Variants in DGKB observed in about 807,000 individuals in gnomAD.
The protein encoded by DGKB is 90 kDa diacylglycerol kinase.
DGKB carries 67 observed loss-of-function variants against 114.3 expected under a neutral mutation model. The ratio of observed to expected loss-of-function variants is 0.59; its 90% CI spans 0.48 to 0.72. The LOEUF (loss-of-function observed/expected upper bound fraction) is 0.72. Among genes scored for constraint, DGKB ranks in the 30% least tolerant of loss-of-function variants. DGKB has a pLI of 0.00. For synonymous variants in DGKB, 398 were observed against 323.1 expected, an observed-to-expected ratio of 1.23 and a Z score of -2.49; for missense variants, 907 against 975.2, an observed-to-expected ratio of 0.93 and a Z score of 0.93.
At chr7:14,282,236 C>G (rs1800084894) in intron 23 of DGKB, among the ~76,000 whole-genome samples, 1 of 131,166 alleles carries the variant, frequency 7.6e-6, no homozygotes, top group Admixed American at 8.1e-5. Context: ...ACAAACACCT[C>G]TATGCAAATA....
chr7:14,494,077 G>A (rs1230015530), intron 20 of DGKB, among the ~76,000 whole-genome samples: 3 of 151,830 alleles, frequency 2.0e-5, no homozygotes, highest in Non-Finnish European at 4.4e-5. Flanking sequence ...TTTTGGCACC[G>A]ATGTATTAGC....
chr7:14,345,495 G>T, intron 21 of DGKB, 104 bp from the exon 22 acceptor site: 1 of 603,446 alleles, frequency 1.7e-6, no homozygotes, highest in Non-Finnish European at 2.9e-6. Context: ...AAAGGTCTGA[G>T]GACATGTGAC....
chr7:14,787,742 G>A (rs967780993), intron 2 of DGKB, among the ~76,000 whole-genome samples: 10 of 152,196 alleles, frequency 6.6e-5, no homozygotes, highest in African/African-American at 1.4e-4. Context: ...TCCAGGTGAC[G>A]TGAGCATACC....
intron 23 of DGKB, among the ~76,000 whole-genome samples, chr7:14,331,697 G>C (rs1006132411): frequency 1.2e-4 from 18 of 152,094 alleles, no homozygotes; most frequent in Admixed American, 8.5e-4. Context: ...TAAAGATGAA[G>C]ACATGGGAGC....
At chr7:14,918,679 A>T (rs1156859390) in intron 1 of DGKB, among the ~76,000 whole-genome samples, 3 of 152,182 alleles carry the variant, frequency 2.0e-5, no homozygotes, top group Non-Finnish European at 4.4e-5. Flanking sequence ...TGATGTCAAT[A>T]TTGATCTATA....
At chr7:14,899,208 C>A (rs1236559316) in intron 1 of DGKB, among the ~76,000 whole-genome samples, 1 of 152,060 alleles carries the variant, frequency 6.6e-6, no homozygotes, top group African/African-American at 2.4e-5. Flanking sequence ...TGCTTCCTGG[C>A]AAATTTTCAG....
chr7:14,396,056 A>G (rs918238525), intron 21 of DGKB, among the ~76,000 whole-genome samples: 16 of 152,060 alleles, frequency 1.1e-4, no homozygotes, highest in Admixed American at 7.9e-4. Context: ...ATATGACTAT[A>G]TCACTGGAGA....
intron 20 of DGKB, among the ~76,000 whole-genome samples, chr7:14,484,417 T>A (rs1783457481): frequency 6.6e-6 from 1 of 152,204 alleles, no homozygotes; most frequent in Non-Finnish European, 1.5e-5. Flanking sequence ...GGCAGATTTC[T>A]TATGAGTGCT....
At chr7:14,324,981 C>T (rs1808469053) in intron 23 of DGKB, among the ~76,000 whole-genome samples, 1 of 152,184 alleles carries the variant, frequency 6.6e-6, no homozygotes, top group South Asian at 2.1e-4. Context: ...ACTGCCACAT[C>T]TATTGGCACA....
intron 23 of DGKB, among the ~76,000 whole-genome samples, chr7:14,314,590 T>C (rs1451682728): frequency 6.6e-6 from 1 of 151,872 alleles, no homozygotes; most frequent in African/African-American, 2.4e-5. Flanking sequence ...GAAAAAAGAA[T>C]AAAAAGAAAT....
In DGKB at chr7:14,253,137, C is replaced by T. The variant is rs560349650; in HGVS notation, c.2123-74986G>A. Among the ~76,000 whole-genome samples, 11 of 151,880 alleles carry T rather than the reference C, an allele frequency of 7.2e-5. No individual in the cohort carries two copies. In the South Asian group the frequency reaches 1.0e-3, roughly 14 times the overall value. ...GCAACCTCCGCCTCCCGGGTTCAAG[C>T]GATTCTCCTGTCTCAGCCTCCCAAG... is the stretch of plus-strand genomic sequence containing the variant. On this transcript the variant is annotated intron_variant, in intron 23 of 25. Transcript: ENST00000402815.
Position 14,756,922 on chromosome 7 carries a change from A to T in DGKB, c.147+733T>A, listed in dbSNP as rs144067272. On this transcript the variant is annotated intron_variant, in intron 3 of 25. Transcript: ENST00000402815. ...ATGATGATCGAACATTTAAAATGTA[A>T]CATCTCTCAACTAATATTAAATAGG... is the stretch of plus-strand genomic sequence containing the variant. 4.5e-3 allele frequency among the ~76,000 whole-genome samples: 678 copies of T among 152,196 alleles called. 2 individuals carry two copies. Among genetic ancestry groups the T allele is most frequent in the Middle Eastern group, 0.02 (6 of 294 alleles).
intron 23 of DGKB, among the ~76,000 whole-genome samples, chr7:14,287,269 A>G (rs1801022465): frequency 6.6e-6 from 1 of 152,150 alleles, no homozygotes; most frequent in Admixed American, 6.6e-5. Context: ...TTAAGATTTT[A>G]TTGATCCCTC....
intron 20 of DGKB, among the ~76,000 whole-genome samples, chr7:14,526,147 T>G (rs773218925): frequency 9.2e-5 from 14 of 152,214 alleles, no homozygotes; most frequent in Non-Finnish European, 1.8e-4. Flanking sequence ...GAATTCCATG[T>G]GATTAATTAT....
chr7:14,753,826 T>C (rs938736514), intron 4 of DGKB, 102 bp downstream of exon 4: 83 of 799,938 alleles, frequency 1.0e-4, no homozygotes, highest in Non-Finnish European at 1.7e-4. Context: ...AGAAATCATA[T>C]TGGTACAGAA....
intron 10 of DGKB, among the ~76,000 whole-genome samples, chr7:14,684,721 TTC>T (rs1246304203): frequency 2.2e-4 from 33 of 152,298 alleles, no homozygotes; most frequent in African/African-American, 7.9e-4. Flanking sequence ...TATGAAGATT[TTC>T]TTTCTGTTAG....
intron 6 of DGKB, among the ~76,000 whole-genome samples, chr7:14,713,215 C>T (rs542229823): frequency 2.0e-3 from 300 of 152,072 alleles, no homozygotes; most frequent in African/African-American, 6.9e-3. Flanking sequence ...AAGTTTCTAT[C>T]TGTTTTCATA....
intron 21 of DGKB, among the ~76,000 whole-genome samples, chr7:14,357,171 G>A (rs887796427): frequency 6.6e-6 from 1 of 152,160 alleles, no homozygotes; most frequent in African/African-American, 2.4e-5. Flanking sequence ...CTGTCTCACT[G>A]ATCTGTCTAA....
intron 15 of DGKB, among the ~76,000 whole-genome samples, chr7:14,614,997 C>A (rs1806257093): frequency 6.6e-6 from 1 of 152,036 alleles, no homozygotes; most frequent in South Asian, 2.1e-4. Context: ...ACCCCTTCCT[C>A]CCATTAAAAA....
Sources: allele counts gnomAD v4.1 joint callset (sites outside exome capture counted in the v4.1 genomes callset), GRCh38; gene constraint gnomAD v4.1.1; transcripts MANE v1.5; gene names NCBI Gene and HGNC (gene_info 2026-07-23, HGNC 2026-07-21).